The following LIPN variants were observed in gnomAD, a reference collection of about 807,000 sequenced individuals.
The protein encoded by LIPN is lipase member N.
Under a neutral mutation model 43.7 loss-of-function variants are expected in LIPN, and 32 were observed. The observed-to-expected ratio is 0.73, with a 90% CI of 0.55 to 0.98. The LOEUF (loss-of-function observed/expected upper bound fraction) is 0.98. Among genes scored for constraint, LIPN ranks in the 50% least tolerant of loss-of-function variants. The pLI is 0.00. For missense variants in LIPN, 505 were observed against 483.8 expected, an observed-to-expected ratio of 1.04 and a Z score of -0.41; for synonymous variants, 156 against 157.6, an observed-to-expected ratio of 0.99 and a Z score of 0.08.
intron 6 of LIPN, among the ~76,000 whole-genome samples, chr10:88,769,182 A>G (rs971893923): frequency 6.6e-6 from 1 of 151,922 alleles, no homozygotes; most frequent in African/African-American, 2.4e-5. Context: ...TTTCTAGCTG[A>G]ACTGAGTGCT....
chr10:88,761,765 A>G (rs1252327643), intron 2 of LIPN, among the ~76,000 whole-genome samples: 1 of 87,290 alleles, frequency 1.1e-5, no homozygotes, highest in Non-Finnish European at 2.0e-5. Flanking sequence ...CTATCTATGT[A>G]TCTATCTATC....
chr10:88,770,743 T>G (rs1843191203), intron 6 of LIPN, 102 bp from the exon 7 acceptor site: 1 of 652,700 alleles, frequency 1.5e-6, no homozygotes, highest in East Asian at 2.9e-5. Context: ...TTGTTGCTAT[T>G]GAGTTGAGCT....
intron 9 of LIPN, among the ~76,000 whole-genome samples, chr10:88,776,925 CTCCATTCTCCTG>C (rs1843305118): frequency 6.6e-6 from 1 of 152,028 alleles, no homozygotes; most frequent in Non-Finnish European, 1.5e-5. Context: ...TCCTTCCTGC[CTCCATTCTCCTG>C]TCCCTTATGA....
At chr10:88,758,900 T>C (rs572428383), upstream of LIPN, among the ~76,000 whole-genome samples, 1 of 152,246 alleles carries the variant, frequency 6.6e-6, no homozygotes, top group South Asian at 2.1e-4. Flanking sequence ...AACAAATCAA[T>C]ATTAATAATA....
chr10:88,762,230 G>A lies in LIPN; in HGVS notation c.151G>A (p.Glu51Lys), dbSNP rs762938896. Residue 51 changes from glutamate to lysine, a missense_variant, in exon 3 of 10, where the codon GAA (glutamate) becomes AAA (lysine). By Grantham distance (56) the Glu-to-Lys change is moderately conservative. Transcript: ENST00000404459. ...CAATGGCTACCCCAGTGAAGAGTATGAAGTCACCACTGAAGATGGGTATAT... is the reference window on the plus strand; with the variant it reads ...CAATGGCTACCCCAGTGAAGAGTATAAAGTCACCACTGAAGATGGGTATAT... ...IYNGYPSEEY[E>K]VTTEDGYILL... 5.0e-6 allele frequency: 8 copies of A among 1,609,344 alleles called. No homozygotes were observed. In the Admixed American group the frequency reaches 1.3e-4, roughly 27 times the overall value.
At chr10:88,762,095 T>C (rs1843010557) in intron 2 of LIPN, 93 bp from the exon 3 acceptor site, 3 of 543,170 alleles carry the variant, frequency 5.5e-6, no homozygotes, top group Non-Finnish European at 9.9e-6. Context: ...TTCAGATAAT[T>C]CACCCTAATA....
At chr10:88,764,312 A>G (rs1843051680) in intron 3 of LIPN, 98 bp from the exon 4 acceptor site, 1 of 878,986 alleles carries the variant, frequency 1.1e-6, no homozygotes. Context: ...TGTGTCTGTG[A>G]TGTTTCCGAC....
chr10:88,769,317 C>T (rs1843166132), intron 6 of LIPN, among the ~76,000 whole-genome samples: 1 of 151,778 alleles, frequency 6.6e-6, no homozygotes, highest in African/African-American at 2.4e-5. Context: ...CTGATGTGTC[C>T]AATTTTGACA....
intron 7 of LIPN, 79 bp downstream of exon 7, chr10:88,771,070 T>G: frequency 8.1e-7 from 1 of 1,232,184 alleles, no homozygotes; most frequent in Non-Finnish European, 1.1e-6. Flanking sequence ...TATATCTATT[T>G]ACTGTATAAA....
intron 3 of LIPN, 118 bp downstream of exon 3, chr10:88,762,423 A>C: frequency 1.5e-6 from 1 of 680,578 alleles, no homozygotes. Context: ...TTATTGGATT[A>C]GTCTTTAAAT....
At position 88,764,401 on chromosome 10, in the gene LIPN, C is replaced by T. The variant is rs1843053565; in HGVS notation, c.227-9C>T. ...TCTCCCTCTCTCATCTTACCCTTTC[C>T]CCCACCAGGTCCCCGGCCAGTTGTG... On this transcript the variant is annotated splice_polypyrimidine_tract_variant and intron_variant, in intron 3 of 9. Transcript: ENST00000404459. 1.9e-6 allele frequency: 3 copies of T among 1,604,348 alleles called. No individual in the cohort carries two copies. Among genetic ancestry groups the T allele is most frequent in the Middle Eastern group, 1.7e-4 (1 of 5,992 alleles).
intron 6 of LIPN, among the ~76,000 whole-genome samples, chr10:88,770,627 A>C (rs1843188552): frequency 6.6e-6 from 1 of 151,902 alleles, no homozygotes; most frequent in South Asian, 2.1e-4. Flanking sequence ...GTACAAATAG[A>C]TCCCCAAGCA....
At chr10:88,767,117 T>C (rs1257743003) in intron 5 of LIPN, among the ~76,000 whole-genome samples, 1 of 151,952 alleles carries the variant, frequency 6.6e-6, no homozygotes, top group Admixed American at 6.6e-5. Context: ...GCTTTGAATT[T>C]GTCATTGAAC....
In LIPN at chr10:88,761,477, G is replaced by A. The variant is rs775849363; in HGVS notation, c.72G>A (p.Leu24=). ...TAAATGCTGGTGGATTCCTTGATTT[G>A]GAAAATGAAGTGAATCCTGAGGTGT... The part of the protein sequence containing the change: ...GTLNAGGFLD[L]ENEVNPEVWM... The change falls in exon 2 of 10, where the codon TTG becomes TTA. Residue 24 remains leucine, a synonymous_variant. Coordinates refer to ENST00000404459, the MANE Select transcript of LIPN (RefSeq NM_001102469.2). The A allele has an allele frequency of 6.2e-7, 1 of 1,612,102 alleles. No homozygotes were observed. The highest frequency in any genetic ancestry group is 1.1e-5 in the South Asian group (1 of 91,012).
intron 5 of LIPN, among the ~76,000 whole-genome samples, chr10:88,766,869 C>A (rs1480019295): frequency 6.6e-6 from 1 of 151,926 alleles, no homozygotes; most frequent in Admixed American, 6.6e-5. Context: ...TTGGAACACA[C>A]AAGCTTACTA....
rs567741874 is a variant in LIPN, at chr10:88,778,644, T to A, written c.*402T>A. ...TGGATTGCTATGGCAATGGACAGAG[T>A]GTGGGATTAGGAGGAGGGCCTGTAA... On this transcript the variant is annotated 3_prime_UTR_variant, in exon 10 of 10. Coordinates refer to ENST00000404459, the MANE Select transcript of LIPN (RefSeq NM_001102469.2). Among the ~76,000 whole-genome samples, 3 of 152,208 alleles carry A rather than the reference T, an allele frequency of 2.0e-5. No homozygotes were observed. In the South Asian group the frequency reaches 6.2e-4, roughly 32 times the overall value.
chr10:88,768,925 CA>C lies in LIPN; in HGVS notation c.671del (p.Lys224ArgfsTer11). 3.1e-6 allele frequency: 5 copies of C among 1,610,826 alleles called. No homozygotes were observed. The highest frequency in any genetic ancestry group is 4.2e-6 in the Non-Finnish European group (5 of 1,177,880). On this transcript the variant is annotated frameshift_variant and splice_region_variant, in exon 6 of 10. Transcript: ENST00000404459. LOFTEE classifies it high-confidence loss of function. ...TTTTTCTACTTCCAAATTCCATAAT[CA>C]AGGTAGGCTCCTTTCAACAAAATGT... The part of the protein sequence containing the change: ...RFFLLPNSII[K>X]AVFGTKGFFL...
chr10:88,769,521 T>C (rs1843169969), intron 6 of LIPN: 1 of 949,792 alleles, frequency 1.1e-6, no homozygotes, highest in African/African-American at 1.8e-5. Flanking sequence ...GGGTTTTTTT[T>C]TTTTTTCTCT....
rs1042373280 is a variant in LIPN, at chr10:88,778,590, T to C, written c.*348T>C. ...AGTGAAATTCCTTTAAGGTCCTATATGGAAACCTCTGTTGTCATTTTATTT... is the reference window on the plus strand; with the variant it reads ...AGTGAAATTCCTTTAAGGTCCTATACGGAAACCTCTGTTGTCATTTTATTT... On this transcript the variant is annotated 3_prime_UTR_variant, in exon 10 of 10. Coordinates refer to ENST00000404459, the MANE Select transcript of LIPN (RefSeq NM_001102469.2). Among the ~76,000 whole-genome samples, 2 of 152,154 alleles carry C rather than the reference T, an allele frequency of 1.3e-5. No individual in the cohort carries two copies. The highest frequency in any genetic ancestry group is 4.8e-5 in the African/African-American group (2 of 41,446).
Sources: allele counts gnomAD v4.1 joint callset (sites outside exome capture counted in the v4.1 genomes callset), GRCh38; gene constraint gnomAD v4.1.1; transcripts MANE v1.5; gene names NCBI Gene and HGNC (gene_info 2026-07-23, HGNC 2026-07-21).